Variants in CCSER1 observed in about 807,000 individuals in gnomAD.
The protein encoded by CCSER1 is serine-rich coiled-coil domain-containing protein 1.
CCSER1 carries 41 observed loss-of-function variants against 82.0 expected under a neutral mutation model. That is an observed-to-expected ratio of 0.50 (90% CI 0.39 to 0.65). The LOEUF is 0.65. CCSER1 is among the 30% of genes least tolerant of loss of function. The pLI is 0.00. For missense variants in CCSER1, 1,119 were observed against 1,064.2 expected (o/e 1.05, Z -0.72); for synonymous variants, 414 against 383.9 (o/e 1.08, Z -0.92).
At chr4:90,325,713 T>C in intron 3 of CCSER1, 1 of 407,800 alleles carries the variant, frequency 2.5e-6, no homozygotes, top group Non-Finnish European at 5.1e-6. Context: ...CTGAGGTTTG[T>C]ACATTATTCA....
chr4:90,694,500 A>C (rs1426438150), intron 6 of CCSER1, among the ~76,000 whole-genome samples: 1 of 152,036 alleles, frequency 6.6e-6, no homozygotes, highest in Non-Finnish European at 1.5e-5. Flanking sequence ...AAGTCAATGG[A>C]AAGTAACAAA....
intron 3 of CCSER1, among the ~76,000 whole-genome samples, chr4:90,336,270 A>G (rs1740369782): frequency 6.6e-6 from 1 of 152,250 alleles, no homozygotes; most frequent in Non-Finnish European, 1.5e-5. Context: ...AGACAATAGT[A>G]GATTTATTTA....
chr4:90,955,118 T>A (rs931756409), intron 9 of CCSER1, among the ~76,000 whole-genome samples: 3 of 152,236 alleles, frequency 2.0e-5, no homozygotes, highest in Non-Finnish European at 2.9e-5. Flanking sequence ...ATGTATTTAT[T>A]CTGTTTCCCC....
chr4:90,650,950 C>T (rs1336715674), intron 6 of CCSER1, among the ~76,000 whole-genome samples: 1 of 152,148 alleles, frequency 6.6e-6, no homozygotes, highest in Non-Finnish European at 1.5e-5. Context: ...GTCGAACTAA[C>T]TTGGGATAGA....
intron 1 of CCSER1, among the ~76,000 whole-genome samples, chr4:90,203,148 A>G (rs1738086688): frequency 6.6e-6 from 1 of 152,072 alleles, no homozygotes; most frequent in South Asian, 2.1e-4. Flanking sequence ...GATTTGTCAC[A>G]TGAGTCTACT....
At chr4:90,255,011 G>GCA (rs1480705377) in intron 1 of CCSER1, among the ~76,000 whole-genome samples, 4 of 128,136 alleles carry the variant, frequency 3.1e-5, no homozygotes, top group African/African-American at 9.3e-5. Flanking sequence ...ACACACACAC[G>GCA]CACACTTTAT....
intron 10 of CCSER1, among the ~76,000 whole-genome samples, chr4:91,496,680 T>TCAATATATA (rs1758867257): frequency 4.0e-5 from 1 of 25,070 alleles, no homozygotes; most frequent in African/African-American, 9.2e-5. Context: ...TCAATATATT[T>TCAATATATA]GAATATATAT....
chr4:90,510,480 T>C (rs1352059432), intron 5 of CCSER1, among the ~76,000 whole-genome samples: 1 of 152,204 alleles, frequency 6.6e-6, no homozygotes, highest in Non-Finnish European at 1.5e-5. Flanking sequence ...GGAACATACA[T>C]TTCAACTGGC....
chr4:91,300,294 T>A (rs1408290469), intron 10 of CCSER1, among the ~76,000 whole-genome samples: 1 of 151,988 alleles, frequency 6.6e-6, no homozygotes, highest in Non-Finnish European at 1.5e-5. Context: ...AAATGGTTTA[T>A]TAAAATGTCT....
intron 1 of CCSER1, among the ~76,000 whole-genome samples, chr4:90,237,848 A>G (rs1324786374): frequency 6.6e-6 from 1 of 152,198 alleles, no homozygotes; most frequent in Non-Finnish European, 1.5e-5. Flanking sequence ...CTAGGTTTCC[A>G]GAGTAGTGGC....
intron 9 of CCSER1, among the ~76,000 whole-genome samples, chr4:90,983,749 A>G (rs574633790): frequency 2.0e-5 from 3 of 151,872 alleles, no homozygotes; most frequent in African/African-American, 7.2e-5. Flanking sequence ...AGTCTGTAAT[A>G]TGTTACCTAA....
intron 10 of CCSER1, among the ~76,000 whole-genome samples, chr4:91,570,058 GTCCAAAA>G (rs1362906603): frequency 1.3e-5 from 2 of 152,182 alleles, no homozygotes; most frequent in African/African-American, 4.8e-5. Context: ...CCCCATACAA[GTCCAAAA>G]TCCAATAGGG....
chr4:90,269,756 A>G (rs1725909956), intron 1 of CCSER1, among the ~76,000 whole-genome samples: 1 of 151,960 alleles, frequency 6.6e-6, no homozygotes, highest in South Asian at 2.1e-4. Flanking sequence ...TTGTAAAAAG[A>G]TTAAAAAAAA....
intron 5 of CCSER1, among the ~76,000 whole-genome samples, chr4:90,565,735 A>T (rs907409496): frequency 6.6e-6 from 1 of 152,204 alleles, no homozygotes; most frequent in African/African-American, 2.4e-5. Flanking sequence ...GAATTTTATC[A>T]AATGCTTTTT....
intron 4 of CCSER1, among the ~76,000 whole-genome samples, chr4:90,422,315 A>C (rs1756817180): frequency 6.6e-6 from 1 of 152,186 alleles, no homozygotes; most frequent in South Asian, 2.1e-4. Context: ...TATTCTGAAG[A>C]GCCCATAGAA....
chr4:91,366,546 G>A (rs1749627304), intron 10 of CCSER1, among the ~76,000 whole-genome samples: 1 of 152,122 alleles, frequency 6.6e-6, no homozygotes, highest in Non-Finnish European at 1.5e-5. Flanking sequence ...TTGACTCAGA[G>A]TCCATTTAAA....
chr4:91,180,990 C>G (rs545173453), intron 10 of CCSER1, among the ~76,000 whole-genome samples: 1 of 152,338 alleles, frequency 6.6e-6, no homozygotes, highest in Admixed American at 6.5e-5. Context: ...ATCACTCATG[C>G]AATTGTTTGT....
chr4:90,281,491 AG>A (rs1728839935), intron 1 of CCSER1, among the ~76,000 whole-genome samples: 1 of 152,074 alleles, frequency 6.6e-6, no homozygotes, highest in Non-Finnish European at 1.5e-5. Flanking sequence ...CTAAAATAAA[AG>A]TTAAAAAAAT....
At chr4:90,496,009 G>T (rs1314662229) in intron 5 of CCSER1, among the ~76,000 whole-genome samples, 1 of 152,084 alleles carries the variant, frequency 6.6e-6, no homozygotes. Context: ...TTTTATTATG[G>T]TTATTTGCTC....
Sources: gnomAD v4.1 joint callset for allele counts (sites outside exome capture counted in the v4.1 genomes callset) on GRCh38, gnomAD v4.1.1 for gene constraint, MANE v1.5 for transcripts, NCBI Gene and HGNC (gene_info 2026-07-23, HGNC 2026-07-21) for gene names.